The following TAFA1 variants were observed in gnomAD, a reference collection of about 807,000 sequenced individuals.
The protein encoded by TAFA1 is chemokine-like protein TAFA-1.
In TAFA1, 4 loss-of-function variants were observed where a neutral mutation model predicts 18.5. The observed-to-expected ratio is 0.22, with a 90% CI of 0.11 to 0.49. The LOEUF (loss-of-function observed/expected upper bound fraction) is 0.49, where lower values mean the gene tolerates loss of function less well. Ranked by LOEUF, TAFA1 falls within the 20% of genes least tolerant of loss-of-function variation. The pLI is 0.98. For synonymous variants in TAFA1, 56 were observed against 55.2 expected, an observed-to-expected ratio of 1.01 and a Z score of -0.06; for missense variants, 147 against 169.0, an observed-to-expected ratio of 0.87 and a Z score of 0.72.
intron 2 of TAFA1, among the ~76,000 whole-genome samples, chr3:68,268,583 GCAAA>G: frequency 6.6e-6 from 1 of 152,126 alleles, no homozygotes; most frequent in African/African-American, 2.4e-5. Context: ...GAAAGGGATA[GCAAA>G]GAAAAGAATG....
chr3:68,049,926 C>T (rs2064446701), intron 2 of TAFA1, among the ~76,000 whole-genome samples: 1 of 152,084 alleles, frequency 6.6e-6, no homozygotes. Context: ...AACAGTAATA[C>T]TCAGATACTC....
At chr3:68,318,360 A>G (rs772277674) in intron 2 of TAFA1, among the ~76,000 whole-genome samples, 1 of 152,188 alleles carries the variant, frequency 6.6e-6, no homozygotes, top group Non-Finnish European at 1.5e-5. Flanking sequence ...TGAAGTCATT[A>G]TATGCAGAAA....
At chr3:68,456,901 TTC>T (rs1166843151) in intron 3 of TAFA1, among the ~76,000 whole-genome samples, 1 of 152,194 alleles carries the variant, frequency 6.6e-6, no homozygotes, top group African/African-American at 2.4e-5. Context: ...GTCATGAATT[TTC>T]TCTGTTTCCT....
intron 2 of TAFA1, among the ~76,000 whole-genome samples, chr3:68,063,540 T>A (rs768570186): frequency 2.0e-5 from 3 of 152,306 alleles, no homozygotes; most frequent in Non-Finnish European, 4.4e-5. Flanking sequence ...TAGGGAAACA[T>A]TGATTAAAAA....
chr3:68,450,710 G>A (rs927940987), intron 3 of TAFA1, among the ~76,000 whole-genome samples: 1 of 152,196 alleles, frequency 6.6e-6, no homozygotes, highest in African/African-American at 2.4e-5. Flanking sequence ...AATTTGAAAT[G>A]TATAGTTGCT....
At chr3:68,149,347 C>A (rs1282036289) in intron 2 of TAFA1, among the ~76,000 whole-genome samples, 2 of 152,162 alleles carry the variant, frequency 1.3e-5, no homozygotes, top group Non-Finnish European at 2.9e-5. Context: ...CAAGGTCTAT[C>A]TTAGTCTATT....
intron 2 of TAFA1, among the ~76,000 whole-genome samples, chr3:68,164,783 A>C (rs2065964476): frequency 6.6e-6 from 1 of 152,144 alleles, no homozygotes. Context: ...TACTTTCCCA[A>C]TCCACTTGGA....
At chr3:68,433,388 G>T (rs1276812168) in intron 3 of TAFA1, among the ~76,000 whole-genome samples, 1 of 151,828 alleles carries the variant, frequency 6.6e-6, no homozygotes, top group South Asian at 2.1e-4. Context: ...CATTCTTATT[G>T]CCTGAAGTCT....
intron 2 of TAFA1, among the ~76,000 whole-genome samples, chr3:68,327,699 C>T (rs2068799784): frequency 6.6e-6 from 1 of 152,208 alleles, no homozygotes; most frequent in Non-Finnish European, 1.5e-5. Context: ...TGGGGTATTA[C>T]TGCCCAGTGC....
At chr3:68,411,090 G>A (rs537665790) in intron 2 of TAFA1, among the ~76,000 whole-genome samples, 2 of 152,268 alleles carry the variant, frequency 1.3e-5, no homozygotes, top group South Asian at 2.1e-4. Context: ...GCCAGCTGAT[G>A]GGGACAATAG....
chr3:68,026,567 A>G (rs1029418327), intron 2 of TAFA1, among the ~76,000 whole-genome samples: 1 of 152,120 alleles, frequency 6.6e-6, no homozygotes, highest in African/African-American at 2.4e-5. Flanking sequence ...ACATCTGTAT[A>G]TATTATTTAA....
intron 2 of TAFA1, among the ~76,000 whole-genome samples, chr3:68,230,473 A>G (rs1042540451): frequency 1.3e-5 from 2 of 152,166 alleles, no homozygotes; most frequent in Non-Finnish European, 2.9e-5. Context: ...ATGGCTGAAT[A>G]GTATTTCATT....
Position 68,455,332 on chromosome 3 carries a change from G to A in TAFA1, c.259+37912G>A, listed in dbSNP as rs1202739243. ...ATACTTGATGTAACTTTACAGAAAT[G>A]CATCATAACATTTGTCTGATGTTTT... On this transcript the variant is annotated intron_variant, in intron 3 of 4. Coordinates refer to ENST00000478136, the MANE Select transcript of TAFA1 (RefSeq NM_213609.4). 5.9e-5 allele frequency among the ~76,000 whole-genome samples: 9 copies of A among 152,068 alleles called. No homozygotes were observed. In the South Asian group the frequency reaches 1.9e-3, roughly 32 times the overall value.
At chr3:68,287,586 T>G (rs1186765681) in intron 2 of TAFA1, among the ~76,000 whole-genome samples, 2 of 152,142 alleles carry the variant, frequency 1.3e-5, no homozygotes, top group African/African-American at 4.8e-5. Context: ...CACCACACTC[T>G]TCAGTCCTAC....
chr3:68,543,142 C>T (rs1405236071), intron 4 of TAFA1, among the ~76,000 whole-genome samples: 1 of 152,122 alleles, frequency 6.6e-6, no homozygotes, highest in Non-Finnish European at 1.5e-5. Context: ...GTTTGCCTGA[C>T]ATCATTCTCA....
chr3:68,531,281 C>G (rs1445449312), intron 3 of TAFA1, among the ~76,000 whole-genome samples: 1 of 152,122 alleles, frequency 6.6e-6, no homozygotes, highest in Non-Finnish European at 1.5e-5. Context: ...GACCGAATGA[C>G]TTAAAGCAGA....
intron 2 of TAFA1, among the ~76,000 whole-genome samples, chr3:68,152,962 G>A (rs975073864): frequency 6.6e-6 from 1 of 152,104 alleles, no homozygotes; most frequent in African/African-American, 2.4e-5. Context: ...AGTGGGACCA[G>A]CTGCTTATAA....
At chr3:68,509,132 T>C (rs1176440451) in intron 3 of TAFA1, among the ~76,000 whole-genome samples, 2 of 152,104 alleles carry the variant, frequency 1.3e-5, no homozygotes, top group African/African-American at 4.8e-5. Context: ...GAGCACTTGG[T>C]AAATGTCAGG....
At chr3:68,053,757 G>A (rs1221776870) in intron 2 of TAFA1, among the ~76,000 whole-genome samples, 1 of 152,142 alleles carries the variant, frequency 6.6e-6, no homozygotes, top group Admixed American at 6.6e-5. Flanking sequence ...AGGCTGAAGT[G>A]TAGTGATGCA....
Sources: gnomAD v4.1 joint callset for allele counts (sites outside exome capture counted in the v4.1 genomes callset) on GRCh38, gnomAD v4.1.1 for gene constraint, MANE v1.5 for transcripts, NCBI Gene and HGNC (gene_info 2026-07-23, HGNC 2026-07-21) for gene names.